Variants in ZC3HAV1 observed in about 807,000 individuals in gnomAD.
ZC3HAV1 encodes the protein zinc finger CCCH-type containing, antiviral 1.
Under a neutral mutation model 86.6 loss-of-function variants are expected in ZC3HAV1, and 41 were observed. The observed-to-expected ratio is 0.47, with a 90% CI of 0.37 to 0.61. The LOEUF is 0.61. Among genes scored for constraint, ZC3HAV1 ranks in the 20% least tolerant of loss-of-function variants. ZC3HAV1 has a pLI of 0.00. For synonymous variants in ZC3HAV1, 421 were observed against 432.1 expected, an observed-to-expected ratio of 0.97 and a Z score of 0.32; for missense variants, 964 against 1,141.1, an observed-to-expected ratio of 0.84 and a Z score of 2.24.
At chr7:139,049,497 A>C (rs1375414229) in intron 12 of ZC3HAV1, 1 of 152,362 alleles carries the variant, frequency 6.6e-6, no homozygotes, top group African/African-American at 2.4e-5. Context: ...AGTATCTTCT[A>C]GGATAGCTTT....
chr7:139,077,297 G>A (rs1816981012), intron 5 of ZC3HAV1, among the ~76,000 whole-genome samples: 1 of 152,216 alleles, frequency 6.6e-6, no homozygotes, highest in Non-Finnish European at 1.5e-5. Flanking sequence ...AGGCTGGAGT[G>A]CAATGGCGCA....
At chr7:139,090,381 C>A (rs1310548253) in intron 1 of ZC3HAV1, among the ~76,000 whole-genome samples, 1 of 152,186 alleles carries the variant, frequency 6.6e-6, no homozygotes, top group East Asian at 1.9e-4. Flanking sequence ...TGAACCACCA[C>A]ACCCAGCCTA....
chr7:139,092,172 C>T (rs187360809), intron 1 of ZC3HAV1, among the ~76,000 whole-genome samples: 261 of 152,302 alleles, frequency 1.7e-3, no homozygotes, highest in African/African-American at 6.3e-3. Context: ...CGTTATCAAT[C>T]GGACGAATTC....
Position 139,059,276 on chromosome 7 carries a change from C to A in ZC3HAV1, c.2096+1760G>T, listed in dbSNP as rs373930828. On this transcript the variant is annotated intron_variant, in intron 9 of 12. Coordinates refer to ENST00000242351, the MANE Select transcript of ZC3HAV1 (RefSeq NM_020119.4). ...GGGCATGAGATTTACTCCTCTCTTC[C>A]CTAAACCCTGAAATATTCTTTTTAC... Among the ~76,000 whole-genome samples, 7 of 152,280 alleles carry A rather than the reference C, an allele frequency of 4.6e-5. No homozygotes were observed. In the South Asian group the frequency reaches 1.5e-3, roughly 32 times the overall value.
intron 8 of ZC3HAV1, among the ~76,000 whole-genome samples, chr7:139,063,692 C>T (rs949939059): frequency 9.9e-5 from 14 of 140,948 alleles, no homozygotes; most frequent in Non-Finnish European, 1.8e-4. Flanking sequence ...TCACCGCACT[C>T]TAGCCTGAGT....
intron 1 of ZC3HAV1, among the ~76,000 whole-genome samples, chr7:139,095,341 T>TA (rs1280209461): frequency 6.6e-6 from 1 of 151,998 alleles, no homozygotes; most frequent in Non-Finnish European, 1.5e-5. Context: ...CTAGAGCCCC[T>TA]AGTGAGATGG....
chr7:139,053,414 G>A (rs1004582799), intron 12 of ZC3HAV1, 37 bp downstream of exon 12: 2 of 1,521,972 alleles, frequency 1.3e-6, no homozygotes, highest in Non-Finnish European at 1.8e-6. Flanking sequence ...CCCGAGTTAT[G>A]ACTCTACTAG....
At chr7:139,094,913 C>T (rs1037085736) in intron 1 of ZC3HAV1, among the ~76,000 whole-genome samples, 2 of 151,558 alleles carry the variant, frequency 1.3e-5, no homozygotes, top group Non-Finnish European at 2.9e-5. Context: ...TTGCACTTCA[C>T]AAATCGGTAA....
intron 9 of ZC3HAV1, among the ~76,000 whole-genome samples, chr7:139,058,449 CCCCCCA>C (rs200569527): frequency 2.2e-4 from 33 of 147,580 alleles, no homozygotes; most frequent in African/African-American, 8.0e-4. Context: ...AACCCCCCCC[CCCCCCA>C]CAAAAAAACA....
At chr7:139,083,253 G>GT (rs1410230222) in intron 3 of ZC3HAV1, among the ~76,000 whole-genome samples, 1 of 144,514 alleles carries the variant, frequency 6.9e-6, no homozygotes, top group Non-Finnish European at 1.5e-5. Context: ...CCTGGGGGGG[G>GT]GGGCAATAGT....
intron 8 of ZC3HAV1, 101 bp downstream of exon 8, chr7:139,064,778 A>G: frequency 6.3e-7 from 1 of 1,576,314 alleles, no homozygotes; most frequent in Non-Finnish European, 8.6e-7. Flanking sequence ...CTTGACCTTG[A>G]CCCTGGCCAT....
chr7:139,078,686 T>C (rs777687459), intron 4 of ZC3HAV1, 33 bp from the exon 5 acceptor site: 1 of 1,482,790 alleles, frequency 6.7e-7, no homozygotes, highest in Non-Finnish European at 9.1e-7. Context: ...TGTATGCTGA[T>C]CTTAATGTTT....
At chr7:139,093,454 C>A (rs1817488921) in intron 1 of ZC3HAV1, among the ~76,000 whole-genome samples, 1 of 152,148 alleles carries the variant, frequency 6.6e-6, no homozygotes, top group Non-Finnish European at 1.5e-5. Flanking sequence ...GCCATCATAT[C>A]CCCTGTGACC....
chr7:139,090,441 A>G (rs1385847282), intron 1 of ZC3HAV1, among the ~76,000 whole-genome samples: 1 of 152,206 alleles, frequency 6.6e-6, no homozygotes, highest in Non-Finnish European at 1.5e-5. Context: ...GTCAATTTCC[A>G]TAAAACAGTA....
At chr7:139,075,176 C>G (rs930217665) in intron 6 of ZC3HAV1, among the ~76,000 whole-genome samples, 32 of 152,166 alleles carry the variant, frequency 2.1e-4, no homozygotes, top group African/African-American at 6.8e-4. Flanking sequence ...AGAAACCCGG[C>G]TCTCCACTTG....
At position 139,051,032 on chromosome 7, in the gene ZC3HAV1, TG is replaced by T. The variant is rs138791190; in HGVS notation, c.2449+2418del. ...CTATCCTTGGGAACACCTCTCTAGC[TG>T]GGTTAGTTGTCCACAGGACCTGTTC... On this transcript the variant is annotated intron_variant, in intron 12 of 12. Transcript: ENST00000242351. Among the ~76,000 whole-genome samples, 751 of 152,222 alleles carry T rather than the reference TG, an allele frequency of 4.9e-3. 9 individuals are homozygous for T. The highest frequency in any genetic ancestry group is 0.017 in the African/African-American group (703 of 41,544).
At chr7:139,087,415 CAGAG>C (rs35425692) in intron 2 of ZC3HAV1, among the ~76,000 whole-genome samples, 9,739 of 133,866 alleles carry the variant, frequency 0.073, 333 homozygotes, top group African/African-American at 0.093. Context: ...GGGACAGAGA[CAGAG>C]AGAGAGAGAG....
chr7:139,089,803 T>TG (rs774196313), intron 1 of ZC3HAV1, 44 bp from the exon 2 acceptor site: 2 of 1,549,116 alleles, frequency 1.3e-6, no homozygotes, highest in South Asian at 2.5e-5. Flanking sequence ...ACTACACAGA[T>TG]GCAAAGAAAC....
chr7:139,055,645 G>A (rs1057357383), intron 9 of ZC3HAV1, among the ~76,000 whole-genome samples: 6 of 152,124 alleles, frequency 3.9e-5, no homozygotes, highest in African/African-American at 7.2e-5. Flanking sequence ...AAGGATAAAC[G>A]ATTAAATATA....
Sources: gnomAD v4.1 joint callset for allele counts (sites outside exome capture counted in the v4.1 genomes callset) on GRCh38, gnomAD v4.1.1 for gene constraint, MANE v1.5 for transcripts, NCBI Gene and HGNC (gene_info 2026-07-23, HGNC 2026-07-21) for gene names.